The following PAK2 variants were observed in gnomAD, a reference collection of about 807,000 sequenced individuals.
PAK2 encodes p21 (RAC1) activated kinase 2.
Under a neutral mutation model 65.9 loss-of-function variants are expected in PAK2, and 21 were observed. The ratio of observed to expected loss-of-function variants is 0.32; its 90% confidence interval spans 0.23 to 0.46. The LOEUF (loss-of-function observed/expected upper bound fraction) is 0.46, where lower values mean the gene tolerates loss of function less well. Ranked by LOEUF, PAK2 falls within the 20% of genes least tolerant of loss-of-function variation. The pLI is 1.00. For synonymous variants in PAK2, 204 were observed against 219.7 expected (o/e 0.93, Z 0.63); for missense variants, 324 against 642.6 (o/e 0.50, Z 5.36).
chr3:196,822,496 C>T (rs1711688218), intron 13 of PAK2, among the ~76,000 whole-genome samples: 1 of 152,024 alleles, frequency 6.6e-6, no homozygotes, highest in African/African-American at 2.4e-5. Context: ...CAAGGCCAGC[C>T]TAGGCAACAT....
intron 1 of PAK2, among the ~76,000 whole-genome samples, chr3:196,772,645 T>C (rs1714396766): frequency 6.6e-6 from 1 of 152,228 alleles, no homozygotes; most frequent in African/African-American, 2.4e-5. Context: ...ACACTCTTGC[T>C]TCAGAGTTGT....
At position 196,808,147 on chromosome 3, in the gene PAK2, G is replaced by A. The variant is rs141848983; in HGVS notation, c.709+233G>A. 5.2e-4 allele frequency: 174 copies of A among 332,812 alleles called. 1 individual carries two copies. Among genetic ancestry groups the A allele is most frequent in the African/African-American group, 3.5e-3 (160 of 45,932 alleles). 20.6% of individuals were successfully genotyped at this position (332,812 alleles called of 1,614,324 possible). The stretch of plus-strand genomic sequence containing the variant: ...AGCCTGGCCAACATGGTGAAACCCC[G>A]TCTCTACTAAAAATACAAAAATTAG... On this transcript the variant is annotated intron_variant, in intron 7 of 14. Coordinates refer to ENST00000327134, the MANE Select transcript of PAK2 (RefSeq NM_002577.4).
At position 196,815,809 on chromosome 3, in the gene PAK2, A is replaced by G. The variant is rs556565533; in HGVS notation, c.1053+1241A>G. Among the ~76,000 whole-genome samples, 3 of 151,740 alleles carry G rather than the reference A, an allele frequency of 2.0e-5. No individual in the cohort carries two copies. In the South Asian group the frequency reaches 6.2e-4, roughly 32 times the overall value. On this transcript the variant is annotated intron_variant, in intron 11 of 14. Transcript: ENST00000327134. ...TCAAAAAAAAAAAAGAGAAAGAAAT[A>G]CGCCACTCAACCGTGGAAACTAGAA...
intron 13 of PAK2, among the ~76,000 whole-genome samples, chr3:196,825,268 C>T (rs1711810778): frequency 1.3e-5 from 2 of 151,970 alleles, no homozygotes; most frequent in Admixed American, 6.6e-5. Context: ...ATTGCTGGAA[C>T]CCGGGAGGCA....
rs574929317 is a variant in PAK2, at chr3:196,755,793, G to C, written c.-22+15636G>C. ...TTTTTTTGAGACGGAGTCTCGCTTT[G>C]TTGCCAGCCTGGAGTACAGCGGCAT... On this transcript the variant is annotated intron_variant, in intron 1 of 14. Coordinates refer to ENST00000327134, the MANE Select transcript of PAK2 (RefSeq NM_002577.4). Among the ~76,000 whole-genome samples the C allele has an allele frequency of 8.6e-5, 13 of 151,054 alleles. No homozygotes were observed. In the South Asian group the frequency reaches 2.7e-3, roughly 32 times the overall value.
chr3:196,756,888 GCACT>G (rs1315399697), intron 1 of PAK2, among the ~76,000 whole-genome samples: 1 of 152,158 alleles, frequency 6.6e-6, no homozygotes, highest in East Asian at 1.9e-4. Flanking sequence ...CAATGAAATA[GCACT>G]CAGCATAAAT....
chr3:196,776,948 G>C (rs1259908686), intron 1 of PAK2, among the ~76,000 whole-genome samples: 1 of 152,146 alleles, frequency 6.6e-6, no homozygotes, highest in Admixed American at 6.6e-5. Flanking sequence ...GGGTATCTGC[G>C]TAAGACAAGA....
intron 13 of PAK2, among the ~76,000 whole-genome samples, chr3:196,826,160 T>TTTTG (rs200292124): frequency 0.017 from 2,578 of 151,444 alleles, 154 homozygotes; most frequent in Admixed American, 0.12. Flanking sequence ...CCTAATTTGT[T>TTTTG]TTTGTTTGTT....
chr3:196,802,799 T>G (rs1715460437), intron 3 of PAK2, among the ~76,000 whole-genome samples: 1 of 150,758 alleles, frequency 6.6e-6, no homozygotes, highest in African/African-American at 2.4e-5. Flanking sequence ...AGCCGAGATC[T>G]CGCACGACTG....
At chr3:196,742,486 A>G (rs1235165001) in intron 1 of PAK2, among the ~76,000 whole-genome samples, 1 of 152,224 alleles carries the variant, frequency 6.6e-6, no homozygotes, top group Non-Finnish European at 1.5e-5. Flanking sequence ...TAAGAACTTC[A>G]AGTAGCCAAG....
chr3:196,793,570 G>A (rs1424354704), intron 2 of PAK2, among the ~76,000 whole-genome samples: 3 of 151,970 alleles, frequency 2.0e-5, no homozygotes, highest in African/African-American at 7.3e-5. Flanking sequence ...TAAATGAGAG[G>A]GAGAGTCCAA....
chr3:196,814,719 A>G (rs1715937091), intron 11 of PAK2, 151 bp downstream of exon 11: 1 of 585,982 alleles, frequency 1.7e-6, no homozygotes, highest in Non-Finnish European at 3.0e-6. Flanking sequence ...GTGCCATTTC[A>G]TCCTACACAG....
chr3:196,759,260 C>A (rs1357927581), intron 1 of PAK2, among the ~76,000 whole-genome samples: 2 of 152,136 alleles, frequency 1.3e-5, no homozygotes, highest in Non-Finnish European at 2.9e-5. Flanking sequence ...TAGAACTCTT[C>A]TTTTTGCATT....
intron 13 of PAK2, among the ~76,000 whole-genome samples, chr3:196,825,994 C>A (rs1711852120): frequency 7.4e-6 from 1 of 135,942 alleles, no homozygotes; most frequent in African/African-American, 2.8e-5. Flanking sequence ...CAGGCATGTG[C>A]CACCACACCC....
chr3:196,759,771 C>T (rs1379598399), intron 1 of PAK2, among the ~76,000 whole-genome samples: 1 of 151,894 alleles, frequency 6.6e-6, no homozygotes, highest in African/African-American at 2.4e-5. Context: ...GTGATCTGCC[C>T]GCCTCAGCCT....
chr3:196,766,083 G>A (rs372556854), intron 1 of PAK2, among the ~76,000 whole-genome samples: 7 of 151,918 alleles, frequency 4.6e-5, no homozygotes, highest in East Asian at 3.9e-4. Context: ...TTTTAGTAGA[G>A]ATGAGGTTTC....
chr3:196,827,188 AT>A lies in PAK2; in HGVS notation c.1351-3del. The A allele has an allele frequency of 6.3e-7, 1 of 1,584,766 alleles. No homozygotes were observed. Among genetic ancestry groups the A allele is most frequent in the Non-Finnish European group, 8.6e-7 (1 of 1,160,466 alleles). On this transcript the variant is annotated splice_polypyrimidine_tract_variant and splice_region_variant and intron_variant, in intron 13 of 14. Transcript: ENST00000327134. ...TTAAGTGGATCAAAGATGTTCTTCTATTTTTAGGCCTTGTACCTAATAGCAA... is the reference window on the plus strand; with the variant it reads ...TTAAGTGGATCAAAGATGTTCTTCTATTTTAGGCCTTGTACCTAATAGCAA...
intron 1 of PAK2, among the ~76,000 whole-genome samples, chr3:196,771,572 T>A (rs1167209600): frequency 6.6e-6 from 1 of 152,166 alleles, no homozygotes; most frequent in Non-Finnish European, 1.5e-5. Context: ...TTTTTCTGTT[T>A]TTTTTGAGAC....
intron 12 of PAK2, among the ~76,000 whole-genome samples, chr3:196,819,472 A>G (rs1033834463): frequency 1.3e-5 from 2 of 152,180 alleles, no homozygotes; most frequent in African/African-American, 2.4e-5. Context: ...TTTTTTAAAT[A>G]GGCAGATGTA....
Sources: allele counts gnomAD v4.1 joint callset (sites outside exome capture counted in the v4.1 genomes callset), GRCh38; gene constraint gnomAD v4.1.1; transcripts MANE v1.5; gene names NCBI Gene and HGNC (gene_info 2026-07-23, HGNC 2026-07-21).